CDH12: variants seen among roughly 807,000 people sequenced by gnomAD.
CDH12 encodes cadherin 12, also known as cadherin-12.
CDH12 carries 41 observed loss-of-function variants against 74.1 expected under a neutral mutation model. The observed-to-expected ratio is 0.55, with a 90% confidence interval of 0.43 to 0.72. The LOEUF is 0.72. CDH12 is among the 30% of genes least tolerant of loss of function. The pLI is 0.00. For missense variants in CDH12, 945 were observed against 977.2 expected, an observed-to-expected ratio of 0.97 and a Z score of 0.44; for synonymous variants, 399 against 355.0, an observed-to-expected ratio of 1.12 and a Z score of -1.39.
In CDH12 at chr5:22,827,091, G is replaced by A. The variant is rs185395776; in HGVS notation, c.-523+25967C>T. ...GAAAAAAAGTGGTTTCCTGGGCTGG[G>A]CCCAGAGTCTCCCTGTGTGTGCAGC... is the stretch of plus-strand genomic sequence containing the variant. On this transcript the variant is annotated intron_variant, in intron 1 of 14. Coordinates refer to ENST00000382254, the MANE Select transcript of CDH12 (RefSeq NM_004061.5). Among the ~76,000 whole-genome samples the A allele has an allele frequency of 2.0e-5, 3 of 152,296 alleles. No individual in the cohort carries two copies. In the East Asian group the frequency reaches 5.8e-4, roughly 30 times the overall value.
chr5:22,354,892 C>G (rs1306551664), intron 3 of CDH12, among the ~76,000 whole-genome samples: 3 of 152,112 alleles, frequency 2.0e-5, no homozygotes, highest in Non-Finnish European at 4.4e-5. Flanking sequence ...TTCCTTTCAT[C>G]TTTATGCAGG....
At chr5:22,098,248 T>A (rs896690355) in intron 4 of CDH12, among the ~76,000 whole-genome samples, 1 of 152,178 alleles carries the variant, frequency 6.6e-6, no homozygotes, top group Non-Finnish European at 1.5e-5. Context: ...CCCAAATTTC[T>A]TCCTCATCTG....
chr5:22,685,953 A>G (rs529810248), intron 1 of CDH12, among the ~76,000 whole-genome samples: 4 of 152,314 alleles, frequency 2.6e-5, no homozygotes, highest in African/African-American at 7.2e-5. Context: ...TATAGTTGGC[A>G]TATTGAAGAA....
intron 5 of CDH12, among the ~76,000 whole-genome samples, chr5:22,024,507 C>T (rs1359025520): frequency 1.3e-5 from 2 of 152,012 alleles, no homozygotes; most frequent in African/African-American, 2.4e-5. Context: ...ATTTATCTAT[C>T]TATTTATTCA....
chr5:22,819,138 C>T (rs1453429448), intron 1 of CDH12, among the ~76,000 whole-genome samples: 4 of 152,090 alleles, frequency 2.6e-5, no homozygotes, highest in Admixed American at 1.3e-4. Flanking sequence ...GGTATGTAAG[C>T]ATAAAATCGA....
intron 13 of CDH12, among the ~76,000 whole-genome samples, chr5:21,756,950 G>A (rs1199748173): frequency 6.6e-6 from 1 of 152,090 alleles, no homozygotes; most frequent in Non-Finnish European, 1.5e-5. Context: ...ATGAACAAAT[G>A]GATATTAATT....
chr5:22,697,585 A>AAG (rs1742445865), intron 1 of CDH12, among the ~76,000 whole-genome samples: 1 of 151,464 alleles, frequency 6.6e-6, no homozygotes, highest in Admixed American at 6.6e-5. Context: ...AAAAAAAAAA[A>AAG]AAAAGAAAGA....
At chr5:22,526,503 G>T (rs987424756) in intron 1 of CDH12, among the ~76,000 whole-genome samples, 2 of 152,166 alleles carry the variant, frequency 1.3e-5, no homozygotes, top group African/African-American at 4.8e-5. Context: ...GAGGAAGAAA[G>T]CCATTTGCCA....
intron 1 of CDH12, among the ~76,000 whole-genome samples, chr5:22,817,828 T>C (rs990983939): frequency 6.6e-6 from 1 of 152,178 alleles, no homozygotes; most frequent in African/African-American, 2.4e-5. Context: ...GCAATACAAC[T>C]CTTTTTCTTT....
chr5:21,998,468 G>T lies in CDH12; in HGVS notation c.232-23083C>A, dbSNP rs182795705. ...CTCTTGCATCTTATGTTGAGTTTACGTAGTACAGAGGACACAAATAGTTCC... is the reference window on the plus strand; with the variant it reads ...CTCTTGCATCTTATGTTGAGTTTACTTAGTACAGAGGACACAAATAGTTCC... On this transcript the variant is annotated intron_variant, in intron 5 of 14. Coordinates refer to ENST00000382254, the MANE Select transcript of CDH12 (RefSeq NM_004061.5). Among the ~76,000 whole-genome samples the T allele has an allele frequency of 9.2e-5, 14 of 152,074 alleles. No individual in the cohort carries two copies. In the East Asian group the frequency reaches 2.7e-3, roughly 29 times the overall value.
At chr5:22,660,399 A>T (rs540194469) in intron 1 of CDH12, among the ~76,000 whole-genome samples, 1 of 152,280 alleles carries the variant, frequency 6.6e-6, no homozygotes, top group African/African-American at 2.4e-5. Context: ...ACGTGAAGAG[A>T]TTAATACCTG....
rs548523367 is a variant in CDH12, at chr5:22,213,287, C to T, written c.-332-644G>A. Among the ~76,000 whole-genome samples, 13 of 152,024 alleles carry T rather than the reference C, an allele frequency of 8.6e-5. No homozygotes were observed. In the South Asian group the frequency reaches 2.5e-3, roughly 29 times the overall value. Reference sequence around the variant, plus strand: ...AATAAGCATATTTGGCAGATTGCTACAGACACAAGCACTCAAACCACGGCA... The same window carrying T: ...AATAAGCATATTTGGCAGATTGCTATAGACACAAGCACTCAAACCACGGCA... On this transcript the variant is annotated intron_variant, in intron 3 of 14. Transcript: ENST00000382254.
chr5:22,600,570 C>CT (rs1736809212), intron 1 of CDH12, among the ~76,000 whole-genome samples: 1 of 151,716 alleles, frequency 6.6e-6, no homozygotes, highest in African/African-American at 2.4e-5. Context: ...GTTATTTATT[C>CT]TTTTTTATAT....
intron 2 of CDH12, among the ~76,000 whole-genome samples, chr5:22,463,212 C>T (rs1745588820): frequency 6.6e-6 from 1 of 152,226 alleles, no homozygotes; most frequent in African/African-American, 2.4e-5. Context: ...TAAATGAATA[C>T]TCTCACAATT....
At chr5:22,451,642 A>G (rs1397781555) in intron 2 of CDH12, among the ~76,000 whole-genome samples, 1 of 151,978 alleles carries the variant, frequency 6.6e-6, no homozygotes, top group East Asian at 1.9e-4. Context: ...GTTTTTCTAT[A>G]AGATCTGGAA....
intron 4 of CDH12, among the ~76,000 whole-genome samples, chr5:22,121,004 T>C (rs1484020504): frequency 6.6e-6 from 1 of 152,224 alleles, no homozygotes; most frequent in African/African-American, 2.4e-5. Flanking sequence ...TTATATGTAA[T>C]TAAATTTTTT....
intron 1 of CDH12, among the ~76,000 whole-genome samples, chr5:22,783,215 C>T (rs1747469274): frequency 6.6e-6 from 1 of 152,098 alleles, no homozygotes; most frequent in South Asian, 2.1e-4. Context: ...TATGCACGTG[C>T]CACTTTAAAT....
chr5:22,335,529 G>A (rs1739541488), intron 3 of CDH12, among the ~76,000 whole-genome samples: 1 of 151,936 alleles, frequency 6.6e-6, no homozygotes, highest in Admixed American at 6.5e-5. Flanking sequence ...AGCTTGCAGT[G>A]AGCTGAGGTG....
chr5:22,023,558 A>ACGAATAT (rs1738140678), intron 5 of CDH12, among the ~76,000 whole-genome samples: 1 of 151,520 alleles, frequency 6.6e-6, no homozygotes, highest in Non-Finnish European at 1.5e-5. Flanking sequence ...ATATATATAT[A>ACGAATAT]CACACGAATA....
Sources: gnomAD v4.1 joint callset for allele counts (sites outside exome capture counted in the v4.1 genomes callset) on GRCh38, gnomAD v4.1.1 for gene constraint, MANE v1.5 for transcripts, NCBI Gene and HGNC (gene_info 2026-07-23, HGNC 2026-07-21) for gene names.